MCC: variants seen among roughly 807,000 people sequenced by gnomAD.
MCC encodes the protein colorectal mutant cancer protein.
Under a neutral mutation model 116.2 loss-of-function variants are expected in MCC, and 90 were observed. The ratio of observed to expected loss-of-function variants is 0.77; its 90% CI spans 0.65 to 0.92. The LOEUF (loss-of-function observed/expected upper bound fraction) is 0.92. Among genes scored for constraint, MCC ranks in the 40% least tolerant of loss-of-function variants. The pLI is 0.00. For missense variants in MCC, 1,516 were observed against 1,312.2 expected, an observed-to-expected ratio of 1.16 and a Z score of -2.40; for synonymous variants, 578 against 510.5, an observed-to-expected ratio of 1.13 and a Z score of -1.78.
chr5:113,306,307 CTT>C (rs1239329482), intron 3 of MCC, among the ~76,000 whole-genome samples: 1 of 152,106 alleles, frequency 6.6e-6, no homozygotes, highest in Non-Finnish European at 1.5e-5. Flanking sequence ...GCAATTTTAT[CTT>C]TAAGATTTTA....
At chr5:113,266,238 TACAC>T (rs58228493) in intron 3 of MCC, among the ~76,000 whole-genome samples, 7 of 149,002 alleles carry the variant, frequency 4.7e-5, no homozygotes, top group East Asian at 2.0e-4. Flanking sequence ...TCACCCCTTC[TACAC>T]ACACACACAC....
chr5:113,255,166 A>AAAAC (rs750418940), intron 3 of MCC, among the ~76,000 whole-genome samples: 2 of 152,298 alleles, frequency 1.3e-5, no homozygotes, highest in South Asian at 2.1e-4. Flanking sequence ...ACTCCATCTC[A>AAAAC]AAACAAACAA....
intron 3 of MCC, among the ~76,000 whole-genome samples, chr5:113,326,516 C>T (rs1336275382): frequency 6.6e-6 from 1 of 152,122 alleles, no homozygotes; most frequent in Non-Finnish European, 1.5e-5. Context: ...AAGCTAGTTC[C>T]CTTTAGCTCA....
chr5:113,400,339 T>A (rs1580332625), intron 1 of MCC, among the ~76,000 whole-genome samples: 1 of 152,018 alleles, frequency 6.6e-6, no homozygotes, highest in Admixed American at 6.6e-5. Flanking sequence ...GCCAGGCTGG[T>A]CTCAAACTTC....
At chr5:113,234,008 G>A (rs141231959) in intron 3 of MCC, among the ~76,000 whole-genome samples, 2 of 152,302 alleles carry the variant, frequency 1.3e-5, no homozygotes, top group African/African-American at 4.8e-5. Flanking sequence ...AACAGTGGAA[G>A]GGAATGTTCT....
chr5:113,468,194 C>T (rs1420283347), intron 1 of MCC, among the ~76,000 whole-genome samples: 6 of 152,140 alleles, frequency 3.9e-5, no homozygotes, highest in African/African-American at 1.4e-4. Context: ...GCCTGACTGC[C>T]CTGGCCAGAA....
intron 5 of MCC, 129 bp from the exon 6 acceptor site, chr5:113,122,955 C>A (rs1757825278): frequency 4.3e-6 from 4 of 925,440 alleles, no homozygotes; most frequent in East Asian, 5.0e-5. Context: ...CCACAGGGAC[C>A]AGGATTTCTC....
In MCC at chr5:113,132,443, TACACACACACACACACAC is replaced by T. The variant is rs140363649; in HGVS notation, c.885-9635_885-9618del. 3.7e-3 allele frequency among the ~76,000 whole-genome samples: 137 copies of T among 36,560 alleles called. 1 individual carries two copies. The highest frequency in any genetic ancestry group is 6.3e-3 in the African/African-American group (132 of 21,056). The allele number at this position is 36,560 out of a possible 152,430, so 24.0% of individuals were successfully genotyped here. A position where few individuals can be genotyped will look rare whatever the true frequency, so the allele number is the denominator to read the frequency against. ...ACACACATACATATATATATATATA[TACACACACACACACACAC>T]ACACACACACACACACATACATATA... On this transcript the variant is annotated intron_variant, in intron 5 of 18. Coordinates refer to ENST00000408903, the MANE Select transcript of MCC (RefSeq NM_001085377.2).
chr5:113,476,859 T>C (rs550909124), intron 1 of MCC, among the ~76,000 whole-genome samples: 1 of 152,304 alleles, frequency 6.6e-6, no homozygotes, highest in South Asian at 2.1e-4. Context: ...TATAAGACCA[T>C]TGAATTGTAT....
chr5:113,424,132 T>TACACACACACACACACACAC lies in MCC; in HGVS notation c.171-38940_171-38921dup, dbSNP rs547192248. ...TCCCACTGGTCAAAAAGTCATCCTC[T>TACACACACACACACACACAC]ACACACACACACACACACACACACA... On this transcript the variant is annotated intron_variant, in intron 1 of 18. Transcript: ENST00000408903. 2.2e-4 allele frequency among the ~76,000 whole-genome samples: 25 copies of TACACACACACACACACACAC among 112,706 alleles called. 1 individual carries two copies. The highest frequency in any genetic ancestry group is 5.5e-4 in the African/African-American group (16 of 29,280). The allele number at this position is 112,706 out of a possible 152,430, so 73.9% of individuals were successfully genotyped here. A position where few individuals can be genotyped will look rare whatever the true frequency, so the allele number is the denominator to read the frequency against.
chr5:113,308,941 T>TA (rs1257153585), intron 3 of MCC, among the ~76,000 whole-genome samples: 1 of 152,222 alleles, frequency 6.6e-6, no homozygotes, highest in African/African-American at 2.4e-5. Flanking sequence ...CCAAGGTTTC[T>TA]AAAATCTTCC....
chr5:113,413,048 G>C (rs1302714369), intron 1 of MCC, among the ~76,000 whole-genome samples: 1 of 152,154 alleles, frequency 6.6e-6, no homozygotes, highest in Non-Finnish European at 1.5e-5. Context: ...TTTGTCGTTG[G>C]TTCTGTTCAT....
At chr5:113,140,186 C>T (rs1759096076) in intron 5 of MCC, among the ~76,000 whole-genome samples, 1 of 152,132 alleles carries the variant, frequency 6.6e-6, no homozygotes, top group Non-Finnish European at 1.5e-5. Flanking sequence ...TATTTGACCA[C>T]TTTTAGGCCT....
chr5:113,124,026 C>G (rs1757888559), intron 5 of MCC, among the ~76,000 whole-genome samples: 1 of 152,130 alleles, frequency 6.6e-6, no homozygotes, highest in African/African-American at 2.4e-5. Flanking sequence ...GAACAGAAAT[C>G]TTGGTTCTCT....
Position 113,434,538 on chromosome 5 carries a change from A to T in MCC, c.171-49326T>A. 6.2e-7 allele frequency: 1 copy of T among 1,612,894 alleles called. No homozygotes were observed. Among genetic ancestry groups the T allele is most frequent in the South Asian group, 1.1e-5 (1 of 91,052 alleles). ...ATGCAGGGCTCCCCGGGTTTTGATT[A>T]ACTCGAGGAGGTCGCCCTGGACCGC... On this transcript the variant is annotated intron_variant, in intron 1 of 18. Transcript: ENST00000408903. The surrounding 1 kb of genome is among the most constrained non-coding windows in gnomAD (Gnocchi z 4.2).
At chr5:113,361,258 TAA>T (rs11339634) in intron 2 of MCC, among the ~76,000 whole-genome samples, 139 of 149,790 alleles carry the variant, frequency 9.3e-4, no homozygotes, top group African/African-American at 2.7e-3. Flanking sequence ...CATAAATCTT[TAA>T]AAAAAAAACC....
intron 3 of MCC, among the ~76,000 whole-genome samples, chr5:113,181,739 G>A (rs1468886976): frequency 2.0e-5 from 3 of 152,142 alleles, no homozygotes; most frequent in Non-Finnish European, 4.4e-5. Context: ...TCTGCCTGGA[G>A]AGTTCCCTTC....
chr5:113,056,170 C>A (rs1298204559), intron 14 of MCC, among the ~76,000 whole-genome samples: 1 of 152,166 alleles, frequency 6.6e-6, no homozygotes, highest in South Asian at 2.1e-4. Flanking sequence ...GCTACCTTTA[C>A]GTGTGACCCA....
chr5:113,046,034 G>A (rs568518867), intron 16 of MCC, among the ~76,000 whole-genome samples: 3 of 151,918 alleles, frequency 2.0e-5, no homozygotes, highest in South Asian at 2.1e-4. Flanking sequence ...CAGATGAATA[G>A]CCCAGATGGG....
Sources: gnomAD v4.1 joint callset for allele counts (sites outside exome capture counted in the v4.1 genomes callset) on GRCh38, gnomAD v4.1.1 for gene constraint, Gnocchi (gnomAD v3.1) non-coding constraint, MANE v1.5 for transcripts, NCBI Gene and HGNC (gene_info 2026-07-23, HGNC 2026-07-21) for gene names.